CCSER2: variants seen among roughly 807,000 people sequenced by gnomAD.
The protein encoded by CCSER2 is serine-rich coiled-coil domain-containing protein 2.
CCSER2 carries 46 observed loss-of-function variants against 92.3 expected under a neutral mutation model. The ratio of observed to expected loss-of-function variants is 0.50; its 90% CI spans 0.39 to 0.64. CCSER2 has a LOEUF of 0.64. Among genes scored for constraint, CCSER2 ranks in the 30% least tolerant of loss-of-function variants. CCSER2 has a pLI of 0.00. For synonymous variants in CCSER2, 433 were observed against 431.4 expected, an observed-to-expected ratio of 1.00 and a Z score of -0.04; for missense variants, 1,244 against 1,238.9, an observed-to-expected ratio of 1.00 and a Z score of -0.06.
intron 8 of CCSER2, chr10:84,473,216 G>A (rs531137383): frequency 1.3e-5 from 2 of 152,246 alleles, no homozygotes; most frequent in East Asian, 3.9e-4. Context: ...AAAAGAGCCT[G>A]CCACCTGTTT....
intron 1 of CCSER2, among the ~76,000 whole-genome samples, chr10:84,361,422 C>T (rs1212107772): frequency 2.0e-5 from 3 of 152,144 alleles, no homozygotes; most frequent in Admixed American, 6.5e-5. Flanking sequence ...TTATCTGGCT[C>T]TTCCAGGTTT....
intron 9 of CCSER2, among the ~76,000 whole-genome samples, chr10:84,481,383 A>G (rs537024630): frequency 4.0e-5 from 6 of 151,408 alleles, no homozygotes; most frequent in African/African-American, 1.4e-4. Flanking sequence ...AAAATTTTTT[A>G]TATATTTTAT....
At chr10:84,457,588 TAATTATATATTTATATATTATATATA>T (rs1210442101) in intron 6 of CCSER2, among the ~76,000 whole-genome samples, 7 of 12,036 alleles carry the variant, frequency 5.8e-4, no homozygotes, top group East Asian at 2.2e-3. Context: ...ATATTATATA[TAATTATATATTTATATATTATATATA>T]ATTATATATT....
At chr10:84,453,334 G>T (rs1201158327) in intron 6 of CCSER2, among the ~76,000 whole-genome samples, 1 of 152,156 alleles carries the variant, frequency 6.6e-6, no homozygotes, top group Non-Finnish European at 1.5e-5. Context: ...TTCTTTAGAA[G>T]ATCACGTAGT....
At chr10:84,427,552 G>A (rs897418706) in intron 5 of CCSER2, among the ~76,000 whole-genome samples, 12 of 152,020 alleles carry the variant, frequency 7.9e-5, no homozygotes, top group African/African-American at 2.2e-4. Flanking sequence ...CTTAACTCCC[G>A]TTATTATTGT....
intron 9 of CCSER2, among the ~76,000 whole-genome samples, chr10:84,483,096 G>A (rs1171236398): frequency 8.7e-6 from 1 of 114,344 alleles, no homozygotes; most frequent in African/African-American, 2.6e-5. Context: ...AATATGGTCA[G>A]CATTGTCAAC....
Position 84,518,280 on chromosome 10 carries a change from T to C in CCSER2, c.*4013T>C, listed in dbSNP as rs1849662127. 1 of 152,618 alleles carries C rather than the reference T, an allele frequency of 6.6e-6. No homozygotes were observed. The allele number at this position is 152,618 out of a possible 1,614,324, so 9.5% of individuals were successfully genotyped here. On this transcript the variant is annotated 3_prime_UTR_variant, in exon 10 of 10. Transcript: ENST00000372088. The stretch of plus-strand genomic sequence containing the variant: ...GTTGGGAATAAGCTTACCCACTTTC[T>C]CCTTGGTAAAGCGTTTACTTAACAA...
chr10:84,376,128 C>T (rs943907857), intron 3 of CCSER2, among the ~76,000 whole-genome samples: 1 of 152,090 alleles, frequency 6.6e-6, no homozygotes, highest in Non-Finnish European at 1.5e-5. Flanking sequence ...CTGATGCAAT[C>T]TCCTAATCAT....
Position 84,391,551 on chromosome 10 carries a change from A to G in CCSER2, c.1614+17736A>G, listed in dbSNP as rs1205779336. On this transcript the variant is annotated intron_variant, in intron 3 of 9. Transcript: ENST00000372088. ...AATCCAGAATTCATTTCAGTCTGCA[A>G]CAATGCCACATAGGCAGTTGGAGAA... The G allele has an allele frequency of 4.0e-6, 6 of 1,494,024 alleles. No homozygotes were observed. In the East Asian group the frequency reaches 6.8e-5, roughly 17 times the overall value. 92.5% of individuals were successfully genotyped at this position (1,494,024 alleles called of 1,614,324 possible). A position where few individuals can be genotyped will look rare whatever the true frequency, so the allele number is the denominator to read the frequency against.
chr10:84,346,313 CT>C (rs1314420594), intron 1 of CCSER2, among the ~76,000 whole-genome samples: 1 of 152,042 alleles, frequency 6.6e-6, no homozygotes, highest in African/African-American at 2.4e-5. Flanking sequence ...ATCCGCCTAC[CT>C]TGGCCTCCCA....
At chr10:84,441,481 GT>G (rs1320411658) in intron 6 of CCSER2, among the ~76,000 whole-genome samples, 1 of 151,856 alleles carries the variant, frequency 6.6e-6, no homozygotes, top group Non-Finnish European at 1.5e-5. Flanking sequence ...TGGTCATTTT[GT>G]TTTTTATGCT....
chr10:84,407,102 T>G (rs1185983453), intron 3 of CCSER2, among the ~76,000 whole-genome samples: 1 of 152,210 alleles, frequency 6.6e-6, no homozygotes, highest in Non-Finnish European at 1.5e-5. Context: ...TTGTCATCTA[T>G]TTGGTAATGA....
Position 84,371,745 on chromosome 10 carries a change from A to G in CCSER2, c.693A>G (p.Ser231=). The G allele has an allele frequency of 6.2e-7, 1 of 1,613,546 alleles. No homozygotes were observed. Among genetic ancestry groups the G allele is most frequent in the Non-Finnish European group, 8.5e-7 (1 of 1,179,708 alleles). ...GTTTTTCACATTCCATTCAGAATTC[A>G]TTCCTTCCACCTTCATCTATAACCA... The part of the protein sequence containing the change: ...SQSFSHSIQN[S]FLPPSSITRS... Residue 231 remains serine (S), a synonymous_variant, in exon 2 of 10, where the codon TCA becomes TCG. Transcript: ENST00000372088.
chr10:84,379,859 AAT>A (rs1477985168), intron 3 of CCSER2, among the ~76,000 whole-genome samples: 1 of 152,164 alleles, frequency 6.6e-6, no homozygotes, highest in East Asian at 1.9e-4. Flanking sequence ...CTGTCATTTG[AAT>A]ATACCTGTAT....
At chr10:84,367,710 T>C (rs1260175024) in intron 1 of CCSER2, among the ~76,000 whole-genome samples, 1 of 151,762 alleles carries the variant, frequency 6.6e-6, no homozygotes, top group South Asian at 2.1e-4. Context: ...TTCCTTGCTT[T>C]TTTTTTTTTT....
chr10:84,429,593 TC>T, intron 5 of CCSER2, among the ~76,000 whole-genome samples: 1 of 138,132 alleles, frequency 7.2e-6, no homozygotes, highest in African/African-American at 2.7e-5. Context: ...ACATGATGAG[TC>T]CCCCCGCCCT....
intron 3 of CCSER2, among the ~76,000 whole-genome samples, chr10:84,381,299 C>T (rs1183937486): frequency 6.6e-6 from 1 of 152,168 alleles, no homozygotes; most frequent in East Asian, 1.9e-4. Flanking sequence ...TGGTATTAGG[C>T]ACAATAATTT....
At chr10:84,510,380 AC>A (rs1394623869) in intron 9 of CCSER2, among the ~76,000 whole-genome samples, 1 of 152,068 alleles carries the variant, frequency 6.6e-6, no homozygotes, top group East Asian at 1.9e-4. Flanking sequence ...ATATGTTGTT[AC>A]GCTTAAGACA....
intron 1 of CCSER2, among the ~76,000 whole-genome samples, chr10:84,370,314 G>GT (rs1364607566): frequency 6.6e-6 from 1 of 152,068 alleles, no homozygotes; most frequent in East Asian, 1.9e-4. Flanking sequence ...TTTCAGAAGT[G>GT]TTTTGCACTT....
Sources: gnomAD v4.1 joint callset for allele counts (sites outside exome capture counted in the v4.1 genomes callset) on GRCh38, gnomAD v4.1.1 for gene constraint, MANE v1.5 for transcripts, NCBI Gene and HGNC (gene_info 2026-07-23, HGNC 2026-07-21) for gene names.